FOXO1: variants seen among roughly 807,000 people sequenced by gnomAD.
The protein encoded by FOXO1 is forkhead box O1.
Under a neutral mutation model 44.1 loss-of-function variants are expected in FOXO1, and 6 were observed. The ratio of observed to expected loss-of-function variants is 0.14; its 90% CI spans 0.07 to 0.27. FOXO1 has a LOEUF of 0.27. FOXO1 is among the 10% of genes least tolerant of loss of function. FOXO1 has a pLI of 1.00. For synonymous variants in FOXO1, 380 were observed against 362.7 expected, an observed-to-expected ratio of 1.05 and a Z score of -0.54; for missense variants, 737 against 888.8, an observed-to-expected ratio of 0.83 and a Z score of 2.17.
At chr13:40,636,211 T>C (rs976809950) in intron 1 of FOXO1, among the ~76,000 whole-genome samples, 2 of 150,764 alleles carry the variant, frequency 1.3e-5, no homozygotes, top group Non-Finnish European at 3.0e-5. Flanking sequence ...CGAGATTCCA[T>C]CAAAAAAAAA....
intron 1 of FOXO1, among the ~76,000 whole-genome samples, chr13:40,581,905 C>A (rs2137851809): frequency 6.6e-6 from 1 of 152,260 alleles, no homozygotes; most frequent in African/African-American, 2.4e-5. Context: ...ATCAGCACAG[C>A]CAGGGTACGG....
intron 1 of FOXO1, among the ~76,000 whole-genome samples, chr13:40,664,911 G>A (rs1593421510): frequency 6.6e-6 from 1 of 151,882 alleles, no homozygotes; most frequent in African/African-American, 2.4e-5. Context: ...CTCCGCAGGC[G>A]GTGGCCGCCC....
rs1878222277 is a variant in FOXO1 at position 40,665,866 on chromosome 13, C to A, written c.347G>T (p.Gly116Val). 1.8e-6 allele frequency: 2 copies of A among 1,129,876 alleles called. No homozygotes were observed. The highest frequency in any genetic ancestry group is 2.2e-6 in the Non-Finnish European group (2 of 924,790). The allele number at this position is 1,129,876 out of a possible 1,614,324, so 70.0% of individuals were successfully genotyped here. The change falls in exon 1 of 3, where the codon GGC (glycine) becomes GTC (valine). Residue 116 changes from glycine (G) to valine (V), a missense_variant. This residue lies in a region of FOXO1 where 213 missense variants were observed against 236.4 expected (regional missense o/e 0.90). Transcript: ENST00000379561. ...LCGDFQGPEA[G>V]CLHPAPPQPP... The stretch of plus-strand genomic sequence containing the variant: ...CTGCGGTGGCGCTGGGTGCAGGCAG[C>A]CCGCCTCCGGGCCCTGGAAGTCCCC...
intron 1 of FOXO1, among the ~76,000 whole-genome samples, chr13:40,655,111 G>A (rs1877814248): frequency 6.6e-6 from 1 of 152,064 alleles, no homozygotes; most frequent in South Asian, 2.1e-4. Context: ...CAAGGTGGGT[G>A]GATCAGTTGA....
intron 1 of FOXO1, among the ~76,000 whole-genome samples, chr13:40,598,655 C>T (rs924447279): frequency 1.3e-5 from 2 of 152,148 alleles, no homozygotes; most frequent in Non-Finnish European, 2.9e-5. Context: ...TCTTGTTTTG[C>T]CCTTCCTAAT....
chr13:40,570,956 C>G (rs1454389125), intron 1 of FOXO1, among the ~76,000 whole-genome samples: 1 of 152,182 alleles, frequency 6.6e-6, no homozygotes, highest in Non-Finnish European at 1.5e-5. Flanking sequence ...CCTTCTATAA[C>G]CCCTCTGTAT....
At chr13:40,619,830 G>C (rs1286595019) in intron 1 of FOXO1, 4 of 764,490 alleles carry the variant, frequency 5.2e-6, no homozygotes, top group African/African-American at 5.1e-5. Context: ...CAAACCAGTC[G>C]GGTGGCAGCT....
At chr13:40,635,098 T>C (rs1437993195) in intron 1 of FOXO1, among the ~76,000 whole-genome samples, 3 of 152,222 alleles carry the variant, frequency 2.0e-5, no homozygotes, top group Non-Finnish European at 2.9e-5. Flanking sequence ...CAATCATTTA[T>C]ATAAAAATCT....
chr13:40,631,259 G>A (rs562045333), intron 1 of FOXO1, among the ~76,000 whole-genome samples: 4 of 152,202 alleles, frequency 2.6e-5, no homozygotes, highest in African/African-American at 9.6e-5. Flanking sequence ...GTTTAGGGCC[G>A]CATTCCATAA....
intron 1 of FOXO1, chr13:40,620,326 T>C (rs565923134): frequency 1.2e-6 from 1 of 844,992 alleles, no homozygotes; most frequent in South Asian, 1.4e-5. Context: ...ACAGTCACTA[T>C]TCAAAGCAAT....
intron 1 of FOXO1, among the ~76,000 whole-genome samples, chr13:40,624,736 C>A (rs1382656678): frequency 6.6e-6 from 1 of 152,100 alleles, no homozygotes; most frequent in Non-Finnish European, 1.5e-5. Flanking sequence ...ACTCCCCCAA[C>A]CTGGAATCAT....
Position 40,615,849 on chromosome 13 carries a change from G to A in FOXO1, c.630+49734C>T, listed in dbSNP as rs1169573282. Among the ~76,000 whole-genome samples the A allele has an allele frequency of 2.0e-5, 3 of 152,198 alleles. No individual in the cohort carries two copies. The East Asian group carries it at 5.8e-4, about 29-fold the overall frequency. On this transcript the variant is annotated intron_variant, in intron 1 of 2. Coordinates refer to ENST00000379561, the MANE Select transcript of FOXO1 (RefSeq NM_002015.4). ...AAAATGACGTCAGGAGGGCTCGGCTGTAATAAAGAGCCTTGCAGTCTGCTG... is the reference window on the plus strand; with the variant it reads ...AAAATGACGTCAGGAGGGCTCGGCTATAATAAAGAGCCTTGCAGTCTGCTG...
rs9577092 is a variant in FOXO1 at position 40,654,234 on chromosome 13, T to C, written c.630+11349A>G. On this transcript the variant is annotated intron_variant, in intron 1 of 2. Transcript: ENST00000379561. Reference sequence around the variant, plus strand: ...GGCTCATGCCTGTAATCTCAGCACTTTGGGAGGCTGAGGTGGGCAGGTCAC... The same window carrying C: ...GGCTCATGCCTGTAATCTCAGCACTCTGGGAGGCTGAGGTGGGCAGGTCAC... Among the ~76,000 whole-genome samples, 161 of 147,990 alleles carry C rather than the reference T, an allele frequency of 1.1e-3. 4 individuals carry two copies. In the East Asian group the frequency reaches 0.021, roughly 19 times the overall value.
intron 1 of FOXO1, among the ~76,000 whole-genome samples, chr13:40,648,815 G>C (rs1475309375): frequency 6.6e-6 from 1 of 152,178 alleles, no homozygotes. Flanking sequence ...GCTTTAGCCT[G>C]ATGAAAGATA....
At chr13:40,615,227 C>A (rs1876379550) in intron 1 of FOXO1, among the ~76,000 whole-genome samples, 2 of 152,094 alleles carry the variant, frequency 1.3e-5, no homozygotes, top group Non-Finnish European at 2.9e-5. Flanking sequence ...TAGGTGGCAA[C>A]AAGTGCTATG....
In FOXO1 at chr13:40,580,658, C is replaced by T. The variant is rs1014900669; in HGVS notation, c.631-19798G>A. Among the ~76,000 whole-genome samples, 3 of 152,208 alleles carry T rather than the reference C, an allele frequency of 2.0e-5. No homozygotes were observed. In the East Asian group the frequency reaches 5.8e-4, roughly 29 times the overall value. On this transcript the variant is annotated intron_variant, in intron 1 of 2. Transcript: ENST00000379561. ...CTAGCCCCTGGCTCCAAGCAAGGCACACCTCATCTGACCTCATGTCACCTC... is the reference window on the plus strand; with the variant it reads ...CTAGCCCCTGGCTCCAAGCAAGGCATACCTCATCTGACCTCATGTCACCTC...
intron 1 of FOXO1, among the ~76,000 whole-genome samples, chr13:40,656,401 CTT>C (rs1877861348): frequency 6.6e-6 from 1 of 152,204 alleles, no homozygotes; most frequent in East Asian, 1.9e-4. Context: ...AAAAGCAAGA[CTT>C]AATTTAATAG....
Position 40,666,025 on chromosome 13 carries a change from G to A in FOXO1, c.188C>T (p.Ala63Val). ...DAAAGLPSAS[A>V]AAVSADFMSN... Reference sequence around the variant, plus strand: ...CATGAAGTCGGCGCTGACAGCGGCAGCCGAGGCCGAGGGCAGGCCCGCCGC... The same window carrying A: ...CATGAAGTCGGCGCTGACAGCGGCAACCGAGGCCGAGGGCAGGCCCGCCGC... Residue 63 changes from alanine to valine, a missense_variant, in exon 1 of 3, where the codon GCT becomes GTT. By Grantham distance (64) the Ala-to-Val change is moderately conservative. Around this residue, in one of 7 missense-constraint regions of FOXO1, gnomAD observed 213 missense variants for 236.4 expected, o/e 0.90. Coordinates refer to ENST00000379561, the MANE Select transcript of FOXO1 (RefSeq NM_002015.4). 1 of 1,280,420 alleles carries A rather than the reference G, an allele frequency of 7.8e-7. No homozygotes were observed. Among genetic ancestry groups the A allele is most frequent in the South Asian group, 2.6e-5 (1 of 38,688 alleles). 79.3% of individuals were successfully genotyped at this position (1,280,420 alleles called of 1,614,324 possible).
intron 1 of FOXO1, among the ~76,000 whole-genome samples, chr13:40,561,732 G>A (rs563556306): frequency 6.6e-6 from 1 of 152,158 alleles, no homozygotes; most frequent in African/African-American, 2.4e-5. Flanking sequence ...ACTGTAGGAG[G>A]CCAAGGCAGG....
Sources: allele counts gnomAD v4.1 joint callset (sites outside exome capture counted in the v4.1 genomes callset), GRCh38; gene constraint gnomAD v4.1.1; regional missense constraint gnomAD v4.1.1; transcripts MANE v1.5; gene names NCBI Gene and HGNC (gene_info 2026-07-23, HGNC 2026-07-21).